TULP2: variants seen among roughly 807,000 people sequenced by gnomAD.
TULP2 encodes TUB like protein 2, also known as tubby-related protein 2.
A neutral mutation model predicts 60.3 loss-of-function variants in TULP2; 64 were observed. The observed-to-expected ratio is 1.06, with a 90% CI of 0.87 to 1.31. The LOEUF (loss-of-function observed/expected upper bound fraction) is 1.31. Among genes scored for constraint, TULP2 ranks in the 50% most tolerant of loss-of-function variants. The pLI, the probability that TULP2 is intolerant of heterozygous loss-of-function variation, is 0.00. For missense variants in TULP2, 652 were observed against 667.0 expected (o/e 0.98, Z 0.25); for synonymous variants, 267 against 265.4 (o/e 1.01, Z -0.06).
At position 48,897,978 on chromosome 19, in the gene TULP2, T is replaced by TATTC. The variant is rs2037298040; in HGVS notation, c.-1-110_-1-109insGAAT. ...TTATTTATTTATTTATTTATTTATTTATGTATTTAGAGACAGCTGAGCCTC... is the reference window on the plus strand; with the variant it reads ...TTATTTATTTATTTATTTATTTATTTATTCATGTATTTAGAGACAGCTGAGCCTC... On this transcript the variant is annotated intron_variant, in intron 1 of 12. Transcript: ENST00000221399. The surrounding 1 kb of genome is among the most constrained non-coding windows in gnomAD (Gnocchi z 4.0). 1 of 953,104 alleles carries TATTC rather than the reference T, an allele frequency of 1.0e-6. No homozygotes were observed. Among genetic ancestry groups the TATTC allele is most frequent in the Admixed American group, 3.8e-5 (1 of 26,010 alleles). 59.0% of individuals were successfully genotyped at this position (953,104 alleles called of 1,614,324 possible).
intron 8 of TULP2, among the ~76,000 whole-genome samples, chr19:48,886,163 A>G (rs914453567): frequency 1.3e-5 from 2 of 152,050 alleles, no homozygotes; most frequent in African/African-American, 4.8e-5. Flanking sequence ...AAAATTAGCC[A>G]GGCGTGGTGG....
At position 48,881,109 on chromosome 19, in the gene TULP2, G is replaced by A. The variant is rs371083478; in HGVS notation, c.1465C>T (p.Gln489Ter). Reference sequence around the variant, plus strand: ...GTGTCTGGGCCCACTCGGCCGAACTGGAGCACCAGATGTTCTTCTGAGAAG... The same window carrying A: ...GTGTCTGGGCCCACTCGGCCGAACTAGAGCACCAGATGTTCTTCTGAGAAG... ...DPKHQEHLVL[Q>*]FGRVGPDTFT... The change falls in exon 13 of 13, where the codon CAG becomes TAG. Residue 489 changes from glutamine to a stop codon, truncating the protein, a stop_gained. Coordinates refer to ENST00000221399, the MANE Select transcript of TULP2 (RefSeq NM_003323.3). LOFTEE classifies it high-confidence loss of function. The A allele has an allele frequency of 6.2e-7, 1 of 1,612,992 alleles. No individual in the cohort carries two copies. The highest frequency in any genetic ancestry group is 8.5e-7 in the Non-Finnish European group (1 of 1,179,390).
Position 48,897,560 on chromosome 19 carries a change from T to C in TULP2, c.33-164A>G. ...CCTGCTCCACCAGTTATAGGGCCCT[T>C]TCTCCTGGCACTGGCCCACAGAAGC... On this transcript the variant is annotated intron_variant, in intron 2 of 12. Transcript: ENST00000221399. This position sits in a 1 kb window ranked among gnomAD's most constrained non-coding sequence, Gnocchi z 4.0. 1 of 730,052 alleles carries C rather than the reference T, an allele frequency of 1.4e-6. No homozygotes were observed. Among genetic ancestry groups the C allele is most frequent in the Non-Finnish European group, 2.3e-6 (1 of 434,824 alleles). The allele number at this position is 730,052 out of a possible 1,614,324, so 45.2% of individuals were successfully genotyped here. A position where few individuals can be genotyped will look rare whatever the true frequency, so the allele number is the denominator to read the frequency against.
At chr19:48,890,011 C>A (rs200437434) in intron 6 of TULP2, among the ~76,000 whole-genome samples, 2 of 152,184 alleles carry the variant, frequency 1.3e-5, no homozygotes, top group African/African-American at 4.8e-5. Flanking sequence ...AATATGGCCT[C>A]GTGGGAAGGG....
intron 6 of TULP2, among the ~76,000 whole-genome samples, chr19:48,894,771 G>C (rs1451756855): frequency 2.6e-5 from 4 of 152,114 alleles, no homozygotes; most frequent in African/African-American, 9.7e-5. Flanking sequence ...TTTTATATAA[G>C]GGACTTTGGC....
At chr19:48,884,312 G>C (rs993053186) in intron 9 of TULP2, among the ~76,000 whole-genome samples, 5 of 151,940 alleles carry the variant, frequency 3.3e-5, no homozygotes, top group African/African-American at 1.2e-4. Flanking sequence ...GGGCGTGGCA[G>C]TTTGTGTCTA....
rs753683691 is a variant in TULP2 at position 48,882,082 on chromosome 19, C to A, written c.1397G>T (p.Arg466Leu). Residue 466 changes from arginine to leucine, a missense_variant, in exon 12 of 13, where the codon CGA (arginine) becomes CTA (leucine). Transcript: ENST00000221399. ...GTTCTTCACCGAAGCCCGAGTGACT[C>A]GACCATGGAAATTGAGCGTGTAGAC... ...NGVYTLNFHG[R>L]VTRASVKNFQ... The A allele has an allele frequency of 1.2e-6, 2 of 1,614,086 alleles. No homozygotes were observed. The highest frequency in any genetic ancestry group is 4.5e-5 in the East Asian group (2 of 44,894).
At chr19:48,883,173 C>T (rs1462525605) in intron 11 of TULP2, among the ~76,000 whole-genome samples, 50 of 150,688 alleles carry the variant, frequency 3.3e-4, no homozygotes, top group African/African-American at 1.1e-3. Context: ...GAGCCGAGAT[C>T]GCGCCACTGC....
intron 6 of TULP2, among the ~76,000 whole-genome samples, chr19:48,890,334 A>G (rs1175347445): frequency 4.6e-5 from 7 of 151,762 alleles, no homozygotes; most frequent in African/African-American, 1.7e-4. Flanking sequence ...TGATGCAAAG[A>G]CCTTTGTTCA....
intron 8 of TULP2, among the ~76,000 whole-genome samples, chr19:48,886,222 C>T (rs1424528808): frequency 2.0e-5 from 3 of 151,074 alleles, no homozygotes; most frequent in Non-Finnish European, 2.9e-5. Flanking sequence ...AGGAGAATAG[C>T]GTGAACCTGG....
chr19:48,881,666 G>A lies in TULP2; in HGVS notation c.1447+366C>T, dbSNP rs147848511. 6.3e-3 allele frequency among the ~76,000 whole-genome samples: 954 copies of A among 152,154 alleles called. 10 individuals carry two copies. Among genetic ancestry groups the A allele is most frequent in the African/African-American group, 0.022 (909 of 41,500 alleles). ...CAAAGTGCTGGGATTACAGGTGTGA[G>A]CCACAGTGCCCGGCCTAATTTTTGT... On this transcript the variant is annotated intron_variant, in intron 12 of 12. Transcript: ENST00000221399.
intron 6 of TULP2, among the ~76,000 whole-genome samples, chr19:48,892,518 G>C (rs200945484): frequency 7.6e-5 from 10 of 130,772 alleles, no homozygotes; most frequent in East Asian, 2.0e-4. Flanking sequence ...TTTTTTTTGG[G>C]GGGGGGACGG....
intron 4 of TULP2, among the ~76,000 whole-genome samples, chr19:48,896,038 G>C (rs2037275814): frequency 6.6e-6 from 1 of 152,098 alleles, no homozygotes; most frequent in Admixed American, 6.5e-5. Context: ...TAATGAGACC[G>C]CGCCCCGCCC....
At chr19:48,895,860 C>T (rs578073902) in intron 4 of TULP2, among the ~76,000 whole-genome samples, 11 of 152,198 alleles carry the variant, frequency 7.2e-5, no homozygotes, top group African/African-American at 2.6e-4. Flanking sequence ...GCTTTGGCAA[C>T]AAGAGCTAAA....
chr19:48,884,848 G>A (rs1350913844), intron 9 of TULP2, among the ~76,000 whole-genome samples: 1 of 151,272 alleles, frequency 6.6e-6, no homozygotes, highest in Non-Finnish European at 1.5e-5. Context: ...TCATTTCTTG[G>A]GTGAGCCATG....
intron 6 of TULP2, among the ~76,000 whole-genome samples, chr19:48,891,263 G>T (rs1360183811): frequency 1.3e-5 from 2 of 149,972 alleles, no homozygotes; most frequent in African/African-American, 2.5e-5. Flanking sequence ...GGCGGAGCTT[G>T]CAGTGAGCCG....
chr19:48,886,820 C>T (rs939615930), intron 8 of TULP2, among the ~76,000 whole-genome samples: 2 of 151,516 alleles, frequency 1.3e-5, no homozygotes, highest in Non-Finnish European at 2.9e-5. Flanking sequence ...GCCATTTTCC[C>T]TCAGCCTCAG....
intron 6 of TULP2, among the ~76,000 whole-genome samples, chr19:48,894,036 AT>A (rs201807964): frequency 6.0e-5 from 9 of 149,736 alleles, no homozygotes; most frequent in South Asian, 2.1e-4. Flanking sequence ...AACAGAACCA[AT>A]TTTTTTTTTC....
intron 7 of TULP2, among the ~76,000 whole-genome samples, 167 bp from the exon 8 acceptor site, chr19:48,888,428 T>C (rs2037203618): frequency 1.3e-5 from 2 of 152,186 alleles, no homozygotes; most frequent in African/African-American, 4.8e-5. Context: ...CTCTGTTGAC[T>C]GGCCAGTCTA....
Sources: allele counts gnomAD v4.1 joint callset (sites outside exome capture counted in the v4.1 genomes callset), GRCh38; gene constraint gnomAD v4.1.1; non-coding constraint Gnocchi (gnomAD v3.1); transcripts MANE v1.5; gene names NCBI Gene and HGNC (gene_info 2026-07-23, HGNC 2026-07-21).